The following CCDC73 variants were observed in gnomAD, a reference collection of about 807,000 sequenced individuals.
The protein encoded by CCDC73 is coiled-coil domain containing 73, also known as coiled-coil domain-containing protein 73.
A neutral mutation model predicts 116.5 loss-of-function variants in CCDC73; 95 were observed. The ratio of observed to expected loss-of-function variants is 0.82; its 90% CI spans 0.69 to 0.97. CCDC73 has a LOEUF of 0.97. CCDC73 is among the 50% of genes least tolerant of loss of function. The probability of loss-of-function intolerance (pLI) is 0.00; values close to 1 mark genes in which losing one functional copy is unlikely to be tolerated. For synonymous variants in CCDC73, 398 were observed against 401.3 expected, an observed-to-expected ratio of 0.99 and a Z score of 0.10; for missense variants, 1,066 against 1,206.8, an observed-to-expected ratio of 0.88 and a Z score of 1.73.
chr11:32,791,621 C>T (rs1243971836), intron 1 of CCDC73, among the ~76,000 whole-genome samples: 2 of 152,076 alleles, frequency 1.3e-5, no homozygotes. Flanking sequence ...TCACTAGTGG[C>T]CTAAACTGAT....
At chr11:32,685,718 C>CT (rs149696866) in intron 6 of CCDC73, among the ~76,000 whole-genome samples, 1,421 of 90,668 alleles carry the variant, frequency 0.016, 53 homozygotes, top group African/African-American at 0.038. Context: ...CCTGACTTAG[C>CT]TTTTTTTTTT....
intron 9 of CCDC73, among the ~76,000 whole-genome samples, chr11:32,660,263 G>C (rs963573308): frequency 2.8e-5 from 4 of 144,870 alleles, no homozygotes; most frequent in Non-Finnish European, 4.5e-5. Context: ...AAACAGGTTG[G>C]ATCCAGTTAA....
At chr11:32,782,691 A>T (rs1221339431) in intron 1 of CCDC73, among the ~76,000 whole-genome samples, 1 of 151,962 alleles carries the variant, frequency 6.6e-6, no homozygotes, top group African/African-American at 2.4e-5. Flanking sequence ...TATTACTAAC[A>T]CTCTTTTAAA....
At chr11:32,657,626 T>G (rs1335018057) in intron 9 of CCDC73, among the ~76,000 whole-genome samples, 1 of 152,052 alleles carries the variant, frequency 6.6e-6, no homozygotes, top group Non-Finnish European at 1.5e-5. Context: ...GTTAAATCTG[T>G]GGGAGGTACT....
At chr11:32,641,087 A>G (rs1421426247) in intron 13 of CCDC73, among the ~76,000 whole-genome samples, 1 of 152,168 alleles carries the variant, frequency 6.6e-6, no homozygotes, top group Non-Finnish European at 1.5e-5. Flanking sequence ...AGAGTTACTT[A>G]TGTAATAATT....
the CCDC73 span, among the ~76,000 whole-genome samples, chr11:32,802,028 T>C: frequency 6.6e-6 from 1 of 152,214 alleles, no homozygotes. Context: ...AGACAATGAA[T>C]ATAAAGCACT....
At chr11:32,722,311 CT>C (rs2133336375) in intron 2 of CCDC73, among the ~76,000 whole-genome samples, 1 of 152,250 alleles carries the variant, frequency 6.6e-6, no homozygotes, top group East Asian at 1.9e-4. Flanking sequence ...TTAACAAAAG[CT>C]TTTCCAGAAG....
intron 12 of CCDC73, among the ~76,000 whole-genome samples, chr11:32,648,359 T>C (rs570054242): frequency 7.2e-5 from 11 of 152,318 alleles, no homozygotes; most frequent in African/African-American, 2.4e-4. Context: ...TTCAAAAATA[T>C]GTAATGTGGG....
chr11:32,738,495 A>G (rs941306821), intron 2 of CCDC73, among the ~76,000 whole-genome samples: 1 of 152,070 alleles, frequency 6.6e-6, no homozygotes, highest in Non-Finnish European at 1.5e-5. Context: ...TGCGATTTGT[A>G]TGCCTTCTTT....
At chr11:32,627,877 G>T (rs535006634) in intron 14 of CCDC73, among the ~76,000 whole-genome samples, 7 of 152,192 alleles carry the variant, frequency 4.6e-5, no homozygotes, top group African/African-American at 1.7e-4. Context: ...GTTAAATGAC[G>T]AGTTAATGGG....
chr11:32,745,253 C>T (rs1850225854), intron 2 of CCDC73, among the ~76,000 whole-genome samples: 1 of 152,144 alleles, frequency 6.6e-6, no homozygotes, highest in South Asian at 2.1e-4. Flanking sequence ...AATTTGATTG[C>T]CCTGTGGTCT....
At chr11:32,668,543 CA>C (rs5790892) in intron 9 of CCDC73, among the ~76,000 whole-genome samples, 87,134 of 151,118 alleles carry the variant, frequency 0.58, 25,381 homozygotes, top group East Asian at 0.84. Flanking sequence ...AAGTAAATGG[CA>C]AAAAAAAATA....
intron 1 of CCDC73, among the ~76,000 whole-genome samples, chr11:32,767,836 G>A (rs34284474): frequency 0.084 from 12,809 of 152,254 alleles, 614 homozygotes; most frequent in South Asian, 0.12. Flanking sequence ...ATGCTGGAGA[G>A]GATGTGGAGA....
chr11:32,659,514 G>C (rs190583991), intron 9 of CCDC73, among the ~76,000 whole-genome samples: 248 of 152,198 alleles, frequency 1.6e-3, no homozygotes, highest in African/African-American at 5.7e-3. Context: ...GATAATCAGG[G>C]AGTCAGAGGA....
chr11:32,802,684 T>C, the CCDC73 span, among the ~76,000 whole-genome samples: 1 of 152,220 alleles, frequency 6.6e-6, no homozygotes, highest in African/African-American at 2.4e-5. Flanking sequence ...CACTAATAAC[T>C]ACTGCTATGG....
chr11:32,815,338 C>CTTT, the CCDC73 span, among the ~76,000 whole-genome samples: 1 of 140,752 alleles, frequency 7.1e-6, no homozygotes, highest in African/African-American at 2.6e-5. Flanking sequence ...ATTATTTTTG[C>CTTT]TTTTTTTTTT....
chr11:32,626,963 A>C (rs900086285), intron 14 of CCDC73, among the ~76,000 whole-genome samples: 1 of 152,232 alleles, frequency 6.6e-6, no homozygotes, highest in Non-Finnish European at 1.5e-5. Flanking sequence ...CAAAAGTCAA[A>C]ATTGATAAAT....
chr11:32,782,851 TA>T (rs1850595489), intron 1 of CCDC73, among the ~76,000 whole-genome samples: 2 of 152,028 alleles, frequency 1.3e-5, no homozygotes, highest in Admixed American at 1.3e-4. Flanking sequence ...ATAAAAGGAT[TA>T]GAAGACAAAG....
At chr11:32,784,450 C>A (rs1286944096) in intron 1 of CCDC73, among the ~76,000 whole-genome samples, 5 of 152,072 alleles carry the variant, frequency 3.3e-5, no homozygotes, top group Non-Finnish European at 5.9e-5. Flanking sequence ...TATTACTCTG[C>A]TGATATAATA....
Sources: gnomAD v4.1 joint callset for allele counts (sites outside exome capture counted in the v4.1 genomes callset) on GRCh38, gnomAD v4.1.1 for gene constraint, MANE v1.5 for transcripts, NCBI Gene and HGNC (gene_info 2026-07-23, HGNC 2026-07-21) for gene names.